SLC25A30: variants seen among roughly 807,000 people sequenced by gnomAD.
SLC25A30 encodes the protein solute carrier family 25 member 30.
SLC25A30 carries 29 observed loss-of-function variants against 42.7 expected under a neutral mutation model. The observed-to-expected ratio is 0.68, with a 90% CI of 0.51 to 0.93. The LOEUF (loss-of-function observed/expected upper bound fraction) is 0.93. Among genes scored for constraint, SLC25A30 ranks in the 40% least tolerant of loss-of-function variants. The pLI is 0.00. For synonymous variants in SLC25A30, 124 were observed against 131.0 expected (o/e 0.95, Z 0.37); for missense variants, 300 against 359.7 (o/e 0.83, Z 1.34).
chr13:45,403,094 A>G (rs933976932), intron 5 of SLC25A30, among the ~76,000 whole-genome samples: 4 of 152,244 alleles, frequency 2.6e-5, no homozygotes, highest in Admixed American at 6.5e-5. Context: ...ATAAACCAAG[A>G]TACAGGAACT....
At chr13:45,427,930 C>T in the SLC25A30 span, among the ~76,000 whole-genome samples, 1 of 151,736 alleles carries the variant, frequency 6.6e-6, no homozygotes, top group South Asian at 2.1e-4. Flanking sequence ...TTAGTAGAAA[C>T]GGGGGTTTCA....
chr13:45,423,602 TATAA>T, the SLC25A30 span, among the ~76,000 whole-genome samples: 45 of 101,268 alleles, frequency 4.4e-4, 9 homozygotes, highest in Non-Finnish European at 7.3e-4. Flanking sequence ...TATATATATA[TATAA>T]ATATATATAA....
the SLC25A30 span, among the ~76,000 whole-genome samples, chr13:45,433,480 C>T: frequency 6.6e-6 from 1 of 152,204 alleles, no homozygotes; most frequent in African/African-American, 2.4e-5. Flanking sequence ...AGAACTGACA[C>T]TGGTTTAGGA....
chr13:45,404,373 G>A lies in SLC25A30; in HGVS notation c.347C>T (p.Ser116Phe), dbSNP rs1344503814. The A allele has an allele frequency of 1.2e-6, 2 of 1,613,386 alleles. No homozygotes were observed. Among genetic ancestry groups the A allele is most frequent in the Non-Finnish European group, 1.7e-6 (2 of 1,179,560 alleles). Residue 116 changes from serine (S) to phenylalanine (F), a missense_variant, in exon 5 of 10, where the codon TCT becomes TTT. Coordinates refer to ENST00000519676, the MANE Select transcript of SLC25A30 (RefSeq NM_001010875.4). ...LPINVICGIL[S>F]GVISSTIANP... ...AGCAATGGTTGAAGATATGACTCCA[G>A]ACAGAATTCCACATATCACATTTAT... is the stretch of plus-strand genomic sequence containing the variant.
chr13:45,404,340 G>A lies in SLC25A30; in HGVS notation c.380C>T (p.Thr127Ile). Residue 127 changes from threonine (T) to isoleucine (I), a missense_variant, in exon 5 of 10, where the codon ACT becomes ATT. Thr to Ile is a moderately conservative substitution (Grantham distance 89). Transcript: ENST00000519676. ...AGCACAGCTTACTTTCAAAACATCA[G>A]TTGGATTAGCAATGGTTGAAGATAT... ...GVISSTIANP[T>I]DVLKIRMQAQ... The A allele has an allele frequency of 2.5e-6, 4 of 1,611,874 alleles. No individual in the cohort carries two copies. Among genetic ancestry groups the A allele is most frequent in the Non-Finnish European group, 3.4e-6 (4 of 1,178,036 alleles).
the SLC25A30 span, among the ~76,000 whole-genome samples, chr13:45,423,903 AAG>A: frequency 2.2e-5 from 2 of 90,766 alleles, no homozygotes; most frequent in African/African-American, 9.1e-5. Flanking sequence ...AAATATATAT[AAG>A]AATATATAAA....
At chr13:45,400,983 CA>C in intron 7 of SLC25A30, 99 bp downstream of exon 7, 1 of 1,061,478 alleles carries the variant, frequency 9.4e-7, no homozygotes, top group Non-Finnish European at 1.3e-6. Context: ...GGTCCTGCTT[CA>C]CTTCTGCATT....
chr13:45,414,979 G>A (rs1483931654), intron 1 of SLC25A30, among the ~76,000 whole-genome samples: 1 of 152,200 alleles, frequency 6.6e-6, no homozygotes, highest in Non-Finnish European at 1.5e-5. Context: ...TCTCGGGGAA[G>A]GAATTACAAC....
the SLC25A30 span, among the ~76,000 whole-genome samples, chr13:45,428,731 C>T: frequency 6.6e-6 from 1 of 151,608 alleles, no homozygotes; most frequent in African/African-American, 2.4e-5. Context: ...CCATGTTGGT[C>T]AGGCTGGTCT....
chr13:45,401,529 C>A, intron 6 of SLC25A30, among the ~76,000 whole-genome samples: 1 of 152,078 alleles, frequency 6.6e-6, no homozygotes, highest in South Asian at 2.1e-4. Context: ...TATGAACTGA[C>A]AAGTCATTAG....
At chr13:45,423,759 A>AAT in the SLC25A30 span, among the ~76,000 whole-genome samples, 2 of 67,168 alleles carry the variant, frequency 3.0e-5, 1 homozygote, top group Non-Finnish European at 4.8e-5. Context: ...AATATATATA[A>AAT]ATATATAAAA....
At chr13:45,423,554 A>T in the SLC25A30 span, among the ~76,000 whole-genome samples, 4 of 46,992 alleles carry the variant, frequency 8.5e-5, no homozygotes, top group East Asian at 2.9e-4. Context: ...ATAAATACAT[A>T]AAAAAAATAT....
At chr13:45,413,048 A>G (rs1458467477) in intron 1 of SLC25A30, among the ~76,000 whole-genome samples, 1 of 152,190 alleles carries the variant, frequency 6.6e-6, no homozygotes, top group Non-Finnish European at 1.5e-5. Context: ...ACTGCCCAGA[A>G]TATCAGTTTC....
intron 4 of SLC25A30, among the ~76,000 whole-genome samples, chr13:45,404,844 T>C (rs912841278): frequency 1.3e-5 from 2 of 152,166 alleles, no homozygotes; most frequent in Non-Finnish European, 2.9e-5. Context: ...GTTTCATGAA[T>C]CAAGTAATTT....
chr13:45,404,912 T>C (rs1051324732), intron 4 of SLC25A30, among the ~76,000 whole-genome samples: 1 of 152,220 alleles, frequency 6.6e-6, no homozygotes, highest in Non-Finnish European at 1.5e-5. Context: ...TTTATTGATA[T>C]CTAAATGTGA....
intron 8 of SLC25A30, 132 bp downstream of exon 8, chr13:45,398,808 T>C (rs1400253442): frequency 2.8e-5 from 25 of 885,112 alleles, no homozygotes; most frequent in Non-Finnish European, 3.6e-5. Flanking sequence ...GCAAAAATGG[T>C]CTCACACATG....
chr13:45,424,892 T>TTAAATATATA, the SLC25A30 span, among the ~76,000 whole-genome samples: 6 of 32,836 alleles, frequency 1.8e-4, 2 homozygotes, highest in Non-Finnish European at 3.1e-4. Flanking sequence ...AAATATATAT[T>TTAAATATATA]TAAATATATA....
chr13:45,422,915 C>T (rs2137717973), upstream of SLC25A30, among the ~76,000 whole-genome samples: 1 of 152,212 alleles, frequency 6.6e-6, no homozygotes, highest in East Asian at 1.9e-4. Context: ...ACACCATGTC[C>T]TCCAGGAAGT....
the SLC25A30 span, among the ~76,000 whole-genome samples, chr13:45,423,860 A>G: frequency 8.0e-5 from 6 of 74,594 alleles, no homozygotes; most frequent in African/African-American, 2.5e-4. Context: ...ATATATATAT[A>G]AATATATATA....
Sources: gnomAD v4.1 joint callset for allele counts (sites outside exome capture counted in the v4.1 genomes callset) on GRCh38, gnomAD v4.1.1 for gene constraint, MANE v1.5 for transcripts, NCBI Gene and HGNC (gene_info 2026-07-23, HGNC 2026-07-21) for gene names.